Variants in ZFYVE9 observed in about 807,000 individuals in gnomAD.
The protein encoded by ZFYVE9 is zinc finger FYVE domain-containing protein 9.
ZFYVE9 carries 43 observed loss-of-function variants against 126.7 expected under a neutral mutation model. The ratio of observed to expected loss-of-function variants is 0.34; its 90% CI spans 0.27 to 0.44. The LOEUF is 0.44. ZFYVE9 is among the 20% of genes least tolerant of loss of function. The pLI, the probability that ZFYVE9 is intolerant of heterozygous loss-of-function variation, is 1.00. For missense variants in ZFYVE9, 1,476 were observed against 1,697.0 expected, an observed-to-expected ratio of 0.87 and a Z score of 2.29; for synonymous variants, 521 against 597.4, an observed-to-expected ratio of 0.87 and a Z score of 1.87.
At chr1:52,220,191 G>A (rs1455111660) in intron 2 of ZFYVE9, among the ~76,000 whole-genome samples, 1 of 152,182 alleles carries the variant, frequency 6.6e-6, no homozygotes, top group Non-Finnish European at 1.5e-5. Context: ...TTTAGAGTTT[G>A]ATTAATTCTT....
intron 1 of ZFYVE9, chr1:52,162,736 G>A (rs1403076624): frequency 2.0e-5 from 6 of 297,522 alleles, no homozygotes; most frequent in South Asian, 5.7e-5. Context: ...GAATGACTTC[G>A]GCTCCTTCAC....
chr1:52,312,982 T>C (rs1646152002), intron 13 of ZFYVE9, among the ~76,000 whole-genome samples: 2 of 152,092 alleles, frequency 1.3e-5, no homozygotes, highest in Admixed American at 1.3e-4. Context: ...GGTGTCCTTA[T>C]AAGAAGGGGA....
At chr1:52,335,669 G>A (rs1315604708) in intron 15 of ZFYVE9, among the ~76,000 whole-genome samples, 1 of 152,138 alleles carries the variant, frequency 6.6e-6, no homozygotes, top group Non-Finnish European at 1.5e-5. Flanking sequence ...ATACTCTGGT[G>A]TTGGAAAAAG....
At chr1:52,330,023 A>G (rs1292540746) in intron 13 of ZFYVE9, among the ~76,000 whole-genome samples, 1 of 1,660 alleles carries the variant, frequency 6.0e-4, no homozygotes, top group Non-Finnish European at 5.9e-3. Context: ...GTCAACCTGG[A>G]TAACATAACA....
At chr1:52,309,444 A>T (rs570268712) in intron 13 of ZFYVE9, among the ~76,000 whole-genome samples, 2 of 152,160 alleles carry the variant, frequency 1.3e-5, no homozygotes, top group Non-Finnish European at 2.9e-5. Context: ...TCTCCACTGC[A>T]CTCCAGCCTG....
chr1:52,339,774 G>A (rs770905953), intron 16 of ZFYVE9, among the ~76,000 whole-genome samples: 2 of 152,160 alleles, frequency 1.3e-5, no homozygotes, highest in African/African-American at 2.4e-5. Flanking sequence ...GGAGCAGAGT[G>A]AAAACAAGAT....
chr1:52,303,916 A>G lies in ZFYVE9; in HGVS notation c.3429A>G (p.Arg1143=), dbSNP rs547119427. Residue 1143 remains arginine (R), a synonymous_variant, in exon 13 of 19, where the codon AGA becomes AGG. Transcript: ENST00000287727. ...RKTSIKIPSN[R]YNEMMKAMNK... ...CTAGCATCAAAATTCCCAGCAACAG[A>G]TACAATGAGGTAAGATTTACCATGA... is the stretch of plus-strand genomic sequence containing the variant. The G allele has an allele frequency of 3.0e-5, 48 of 1,599,420 alleles. 1 individual carries two copies. In the South Asian group the frequency reaches 5.3e-4, roughly 18 times the overall value.
chr1:52,174,020 T>G (rs1051303428), intron 1 of ZFYVE9, among the ~76,000 whole-genome samples: 1 of 151,908 alleles, frequency 6.6e-6, no homozygotes, highest in Non-Finnish European at 1.5e-5. Context: ...CTGCTCTGAT[T>G]TTAGTTATTT....
chr1:52,243,899 C>T (rs755535019), intron 4 of ZFYVE9, among the ~76,000 whole-genome samples: 1 of 152,010 alleles, frequency 6.6e-6, no homozygotes, highest in African/African-American at 2.4e-5. Flanking sequence ...GGGCTGAGCC[C>T]ATGTGGTCAA....
chr1:52,281,749 G>A lies in ZFYVE9; in HGVS notation c.2958G>A (p.Pro986=), dbSNP rs1222072959. 3.8e-5 allele frequency: 62 copies of A among 1,614,174 alleles called. No homozygotes were observed. The highest frequency in any genetic ancestry group is 8.8e-5 in the South Asian group (8 of 91,084). The change falls in exon 10 of 19, where the codon CCG becomes CCA. Residue 986 remains proline (P), a synonymous_variant. Transcript: ENST00000287727. ...TAGTCATTCTTCTACAGTGTTTACC[G>A]GATGAAAAGTGTTTGCCAAAGGATA... ...SEIVILLQCL[P]DEKCLPKDIF...
At chr1:52,196,871 T>G (rs1265505340) in intron 1 of ZFYVE9, among the ~76,000 whole-genome samples, 1 of 150,894 alleles carries the variant, frequency 6.6e-6, no homozygotes, top group Non-Finnish European at 1.5e-5. Flanking sequence ...AAAAAGAAAG[T>G]GACAAAAGTA....
At position 52,242,409 on chromosome 1, in the gene ZFYVE9, G is replaced by A. The variant is rs531734909; in HGVS notation, c.2178+2814G>A. On this transcript the variant is annotated intron_variant, in intron 4 of 18. Coordinates refer to ENST00000287727, the MANE Select transcript of ZFYVE9 (RefSeq NM_004799.4). ...ATTTGTTTTTGTAATTCAGTTCCAA[G>A]CTTGATGAGGGTAAGGATTTTTTCT... Among the ~76,000 whole-genome samples the A allele has an allele frequency of 1.1e-4, 16 of 152,250 alleles. No homozygotes were observed. In the South Asian group the frequency reaches 2.5e-3, roughly 24 times the overall value.
At chr1:52,222,705 A>G (rs1645135091) in intron 2 of ZFYVE9, among the ~76,000 whole-genome samples, 2 of 152,158 alleles carry the variant, frequency 1.3e-5, no homozygotes, top group South Asian at 4.1e-4. Context: ...GTAGTTTTTA[A>G]TTTGGCATGG....
At chr1:52,235,529 T>A (rs2124625479) in intron 3 of ZFYVE9, among the ~76,000 whole-genome samples, 1 of 152,286 alleles carries the variant, frequency 6.6e-6, no homozygotes, top group Middle Eastern at 3.4e-3. Flanking sequence ...TTCAAATCTC[T>A]ACTGGTTCAA....
intron 5 of ZFYVE9, 60 bp from the exon 6 acceptor site, chr1:52,266,594 GA>G (rs1645636250): frequency 2.2e-6 from 3 of 1,392,694 alleles, no homozygotes; most frequent in Non-Finnish European, 2.9e-6. Flanking sequence ...CAATATTGTG[GA>G]GGTCTTGATG....
intron 1 of ZFYVE9, among the ~76,000 whole-genome samples, chr1:52,166,778 CACCTGTAGTCCCAGCTGGAGGCTGAGGTG>C (rs1156235926): frequency 6.6e-6 from 1 of 152,126 alleles, no homozygotes; most frequent in African/African-American, 2.4e-5. Context: ...TGGTGACACG[CACCTGTAGTCCCAGCTGGAGGCTGAGGTG>C]GGAGGATCAC....
intron 1 of ZFYVE9, among the ~76,000 whole-genome samples, chr1:52,153,938 A>G (rs919227887): frequency 6.6e-6 from 1 of 152,216 alleles, no homozygotes; most frequent in African/African-American, 2.4e-5. Context: ...TGTACTGCAT[A>G]CAAGAGGATA....
intron 10 of ZFYVE9, among the ~76,000 whole-genome samples, chr1:52,285,412 G>A (rs1405976611): frequency 1.3e-5 from 2 of 152,138 alleles, no homozygotes; most frequent in South Asian, 2.1e-4. Context: ...GAGGTGAGGG[G>A]CAGGCAAGCA....
intron 8 of ZFYVE9, among the ~76,000 whole-genome samples, chr1:52,277,833 A>T (rs373989514): frequency 6.6e-6 from 1 of 152,338 alleles, no homozygotes; most frequent in South Asian, 2.1e-4. Context: ...AGATTAAATG[A>T]GAAGAGTTAC....
Sources: allele counts gnomAD v4.1 joint callset (sites outside exome capture counted in the v4.1 genomes callset), GRCh38; gene constraint gnomAD v4.1.1; transcripts MANE v1.5; gene names NCBI Gene and HGNC (gene_info 2026-07-23, HGNC 2026-07-21).